MYO19: variants seen among roughly 807,000 people sequenced by gnomAD.
The protein encoded by MYO19 is unconventional myosin-XIX.
Under a neutral mutation model 129.2 loss-of-function variants are expected in MYO19, and 132 were observed. That is an observed-to-expected ratio of 1.02 (90% CI 0.89 to 1.18). The LOEUF is 1.18. Among genes scored for constraint, MYO19 ranks in the 50% most tolerant of loss-of-function variants. The probability of loss-of-function intolerance (pLI) is 0.00; values close to 1 mark genes in which losing one functional copy is unlikely to be tolerated. For missense variants in MYO19, 1,210 were observed against 1,216.7 expected (o/e 0.99, Z 0.08); for synonymous variants, 531 against 477.2 (o/e 1.11, Z -1.47).
intron 23 of MYO19, chr17:36,499,400 GAGA>G (rs1195110637): frequency 9.0e-6 from 3 of 333,512 alleles, no homozygotes; most frequent in Non-Finnish European, 1.8e-5. Context: ...GGGCACTGGG[GAGA>G]AGGACTGGCT....
At chr17:36,515,073 G>A (rs1281299819) in intron 8 of MYO19, 40 bp downstream of exon 8, 8 of 1,569,346 alleles carry the variant, frequency 5.1e-6, no homozygotes, top group Non-Finnish European at 6.9e-6. Flanking sequence ...AACCTCCCCA[G>A]TCCCATCCTC....
chr17:36,498,832 G>A (rs1357513871), intron 24 of MYO19: 1 of 593,502 alleles, frequency 1.7e-6, no homozygotes, highest in Non-Finnish European at 3.0e-6. Flanking sequence ...GTCTTCTAAA[G>A]TGTACATCCC....
chr17:36,500,985 G>A, intron 22 of MYO19, 26 bp from the exon 23 acceptor site: 1 of 1,607,360 alleles, frequency 6.2e-7, no homozygotes, highest in Non-Finnish European at 8.5e-7. Flanking sequence ...TCCATTGAGG[G>A]CAGCCTCTTC....
intron 8 of MYO19, 64 bp downstream of exon 8, chr17:36,515,049 C>T (rs1008046920): frequency 2.0e-6 from 3 of 1,494,476 alleles, no homozygotes; most frequent in South Asian, 1.2e-5. Context: ...CCAGATACTG[C>T]CCCAGCCACT....
chr17:36,536,703 C>T (rs1267544721), upstream of MYO19, among the ~76,000 whole-genome samples: 1 of 151,906 alleles, frequency 6.6e-6, no homozygotes, highest in African/African-American at 2.4e-5. Flanking sequence ...TTAGTAGAGA[C>T]GGGCTTTCAC....
At chr17:36,505,108 G>A (rs1027539306) in intron 19 of MYO19, 189 bp downstream of exon 19, 3 of 763,910 alleles carry the variant, frequency 3.9e-6, no homozygotes, top group Admixed American at 1.7e-5. Flanking sequence ...AGGCTACTAT[G>A]CACAGACCAC....
Position 36,498,462 on chromosome 17 carries a change from G to C in MYO19, c.2561C>G (p.Thr854Ser), listed in dbSNP as rs912483604. The change falls in exon 25 of 26, where the codon ACC becomes AGC. Residue 854 changes from threonine to serine, a missense_variant. Physicochemically the swap from Thr to Ser is moderately conservative, Grantham distance 58 (BLOSUM62 1). Coordinates refer to ENST00000614623, the MANE Select transcript of MYO19 (RefSeq NM_001163735.2). The stretch of plus-strand genomic sequence containing the variant: ...GCGGATTATTGCCTCCAGGAGCCTG[G>C]TCTGCAGCGGCGAGGTGCTCAGGGA... ...PCSLSTSPLQ[T>S]RLLEAIIRLW... is the part of the protein sequence containing the mutation. The C allele has an allele frequency of 4.3e-6, 7 of 1,613,944 alleles. No individual in the cohort carries two copies. The highest frequency in any genetic ancestry group is 5.9e-6 in the Non-Finnish European group (7 of 1,179,896).
intron 6 of MYO19, among the ~76,000 whole-genome samples, chr17:36,517,554 C>T (rs1265046305): frequency 1.1e-4 from 17 of 152,132 alleles, no homozygotes; most frequent in Admixed American, 1.1e-3. Context: ...CCACTGCACC[C>T]AGTGAGTTAT....
intron 5 of MYO19, among the ~76,000 whole-genome samples, chr17:36,526,581 C>A (rs1274064385): frequency 1.3e-5 from 2 of 152,170 alleles, no homozygotes; most frequent in Non-Finnish European, 2.9e-5. Flanking sequence ...TGTATAATTT[C>A]ATTCTTTCCT....
At position 36,501,121 on chromosome 17, in the gene MYO19, A is replaced by G; in HGVS notation, c.2195T>C (p.Met732Thr). Residue 732 changes from methionine (M) to threonine (T), a missense_variant, in exon 22 of 26, where the codon ATG (methionine) becomes ACG (threonine). Coordinates refer to ENST00000614623, the MANE Select transcript of MYO19 (RefSeq NM_001163735.2). ...CCTGCCACAGTGCATGGGGGCTGGC[A>G]TGGCCTCAGCCGAGTCACCAGTTAT... Reference protein sequence around the residue: ...AAITGDSAEAMPAPMHCGRTK... With the variant: ...AAITGDSAEATPAPMHCGRTK... The G allele has an allele frequency of 6.2e-7, 1 of 1,614,024 alleles. No homozygotes were observed. The highest frequency in any genetic ancestry group is 8.5e-7 in the Non-Finnish European group (1 of 1,179,884).
At chr17:36,511,759 C>T (rs1039855142) in intron 11 of MYO19, among the ~76,000 whole-genome samples, 1 of 152,204 alleles carries the variant, frequency 6.6e-6, no homozygotes, top group Non-Finnish European at 1.5e-5. Context: ...TCTCCTGGGG[C>T]AGCCTGTGGG....
At chr17:36,537,628 T>C (rs2074160455), upstream of MYO19, 1 of 1,614,002 alleles carries the variant, frequency 6.2e-7, no homozygotes, top group Admixed American at 1.7e-5. Context: ...GGCTTTGTTT[T>C]TGGGTCTGCA....
At chr17:36,524,565 G>A (rs1422211378) in intron 6 of MYO19, among the ~76,000 whole-genome samples, 3 of 152,188 alleles carry the variant, frequency 2.0e-5, no homozygotes, top group Non-Finnish European at 4.4e-5. Context: ...ACCTGTTGTG[G>A]TTTTGCTACC....
chr17:36,528,318 T>C (rs35989249), intron 3 of MYO19, 116 bp from the exon 4 acceptor site: 422,631 of 1,113,332 alleles, frequency 0.38, 84,621 homozygotes, highest in Non-Finnish European at 0.42. Context: ...ACCATCCTGG[T>C]TAACACGGTG....
intron 24 of MYO19, 71 bp from the exon 25 acceptor site, chr17:36,498,630 C>G (rs1196977402): frequency 1.7e-5 from 25 of 1,454,632 alleles, no homozygotes; most frequent in Non-Finnish European, 2.2e-5. Flanking sequence ...GAAATCAAAA[C>G]TATCTTTAAC....
chr17:36,506,268 C>T (rs2071878790), intron 18 of MYO19, among the ~76,000 whole-genome samples, 188 bp downstream of exon 18: 1 of 152,170 alleles, frequency 6.6e-6, no homozygotes, highest in Non-Finnish European at 1.5e-5. Flanking sequence ...CATATTATAC[C>T]TGATAGCCTA....
At chr17:36,543,679 C>A (rs886946265), upstream of MYO19, among the ~76,000 whole-genome samples, 16 of 152,096 alleles carry the variant, frequency 1.1e-4, no homozygotes, top group Non-Finnish European at 1.8e-4. Flanking sequence ...GGCTGCAGTG[C>A]AATGGCGCGA....
Position 36,514,452 on chromosome 17 carries a change from G to T in MYO19, c.714C>A (p.Phe238Leu), listed in dbSNP as rs779887359. ...QASSERNFHIFYQICKGASED... is the reference protein window; with the variant it reads ...QASSERNFHILYQICKGASED... ...GGCCCCATTTGGCACAAACCTGATA[G>T]AAGATGTGGAAGTTCCTCTCACTGG... The change falls in exon 9 of 26, where the codon TTC becomes TTA. Residue 238 changes from phenylalanine (F) to leucine (L), a missense_variant. By Grantham distance (22) the Phe-to-Leu change is conservative. Coordinates refer to ENST00000614623, the MANE Select transcript of MYO19 (RefSeq NM_001163735.2). The T allele has an allele frequency of 6.2e-7, 1 of 1,610,086 alleles. No homozygotes were observed. Among genetic ancestry groups the T allele is most frequent in the South Asian group, 1.1e-5 (1 of 91,008 alleles).
At chr17:36,524,544 C>T (rs541759551) in intron 6 of MYO19, among the ~76,000 whole-genome samples, 1 of 152,364 alleles carries the variant, frequency 6.6e-6, no homozygotes, top group South Asian at 2.1e-4. Flanking sequence ...CTGTATGCAA[C>T]ATCCTGTCTC....
Sources: allele counts gnomAD v4.1 joint callset (sites outside exome capture counted in the v4.1 genomes callset), GRCh38; gene constraint gnomAD v4.1.1; transcripts MANE v1.5; gene names NCBI Gene and HGNC (gene_info 2026-07-23, HGNC 2026-07-21).